FANCL: variants seen among roughly 807,000 people sequenced by gnomAD.
FANCL encodes E3 ubiquitin-protein ligase FANCL.
FANCL carries 69 observed loss-of-function variants against 59.4 expected under a neutral mutation model. The observed-to-expected ratio is 1.16, with a 90% confidence interval of 0.96 to 1.42. FANCL has a LOEUF of 1.42. Among genes scored for constraint, FANCL ranks in the 40% most tolerant of loss-of-function variants. FANCL has a pLI of 0.00. For missense variants in FANCL, 519 were observed against 447.2 expected, an observed-to-expected ratio of 1.16 and a Z score of -1.45; for synonymous variants, 180 against 147.1, an observed-to-expected ratio of 1.22 and a Z score of -1.62.
chr2:58,162,712 T>A (rs551217634), intron 11 of FANCL, among the ~76,000 whole-genome samples, 154 bp downstream of exon 11: 1 of 152,024 alleles, frequency 6.6e-6, no homozygotes, highest in South Asian at 2.1e-4. Context: ...TAACAACCAA[T>A]CAAAGGTAAA....
chr2:58,184,233 A>G (rs889503055), intron 7 of FANCL, among the ~76,000 whole-genome samples: 2 of 152,066 alleles, frequency 1.3e-5, no homozygotes, highest in Non-Finnish European at 2.9e-5. Flanking sequence ...TACAATAACA[A>G]TTTACTCTTT....
intron 7 of FANCL, among the ~76,000 whole-genome samples, chr2:58,183,959 C>T (rs1409663590): frequency 2.0e-5 from 3 of 151,892 alleles, no homozygotes; most frequent in African/African-American, 7.2e-5. Flanking sequence ...TAACATTGCA[C>T]CTATAATTGT....
chr2:58,205,749 A>G (rs1404457), intron 5 of FANCL, among the ~76,000 whole-genome samples: 2 of 152,072 alleles, frequency 1.3e-5, no homozygotes, highest in Non-Finnish European at 2.9e-5. Context: ...CAAGGACTCC[A>G]GGCAGAAACA....
At chr2:58,197,291 T>C (rs1370014979) in intron 7 of FANCL, among the ~76,000 whole-genome samples, 1 of 152,048 alleles carries the variant, frequency 6.6e-6, no homozygotes, top group African/African-American at 2.4e-5. Context: ...ATTTCTTATA[T>C]ATTTACTTTA....
In FANCL at chr2:58,210,634, A is replaced by G. The variant is rs377232955; in HGVS notation, c.375-6408T>C. Among the ~76,000 whole-genome samples, 70 of 152,300 alleles carry G rather than the reference A, an allele frequency of 4.6e-4. 1 individual carries two copies. The highest frequency in any genetic ancestry group is 1.6e-3 in the African/African-American group (67 of 41,552). On this transcript the variant is annotated intron_variant, in intron 5 of 13. Coordinates refer to ENST00000233741, the MANE Select transcript of FANCL (RefSeq NM_018062.4). ...CCAAAGTCTCATCTAAGACAAGGCA[A>G]GTCTCTTCCACCGATGAGCCTAATA... is the stretch of plus-strand genomic sequence containing the variant.
In FANCL at chr2:58,159,587, T is replaced by C. The variant is rs752602996; in HGVS notation, c.*178A>G. The C allele has an allele frequency of 5.6e-6, 9 of 1,613,892 alleles. No individual in the cohort carries two copies. In the South Asian group the frequency reaches 9.9e-5, roughly 18 times the overall value. On this transcript the variant is annotated 3_prime_UTR_variant, in exon 14 of 14. Coordinates refer to ENST00000233741, the MANE Select transcript of FANCL (RefSeq NM_018062.4). ...AGTTCAACTGGACTTTGGCCTACAA[T>C]TTCCCAGTTTACTCTTAGTGAAGAG...
chr2:58,240,772 G>C (rs1694452431), intron 1 of FANCL, among the ~76,000 whole-genome samples: 1 of 152,108 alleles, frequency 6.6e-6, no homozygotes, highest in Admixed American at 6.5e-5. Context: ...GCCAAAATAA[G>C]GTTTTCTTCC....
intron 7 of FANCL, among the ~76,000 whole-genome samples, chr2:58,175,629 G>T (rs566009679): frequency 6.6e-6 from 1 of 152,044 alleles, no homozygotes. Flanking sequence ...TTGATGGGAC[G>T]TATCTCAAAA....
intron 12 of FANCL, among the ~76,000 whole-genome samples, chr2:58,160,399 C>T (rs1684969731): frequency 6.6e-6 from 1 of 151,986 alleles, no homozygotes; most frequent in Non-Finnish European, 1.5e-5. Context: ...AGGCCTAAAC[C>T]ACTGGTTTAT....
At chr2:58,170,628 A>T (rs1686486160) in intron 7 of FANCL, among the ~76,000 whole-genome samples, 1 of 152,072 alleles carries the variant, frequency 6.6e-6, no homozygotes, top group South Asian at 2.1e-4. Flanking sequence ...GATCCATCTC[A>T]CGTGCAAAGA....
At chr2:58,175,111 A>G (rs953097001) in intron 7 of FANCL, among the ~76,000 whole-genome samples, 3 of 149,422 alleles carry the variant, frequency 2.0e-5, no homozygotes, top group Non-Finnish European at 3.0e-5. Flanking sequence ...GAATAGACCA[A>G]TAACAGGCTC....
intron 1 of FANCL, among the ~76,000 whole-genome samples, chr2:58,232,836 G>A (rs1342593166): frequency 6.6e-6 from 1 of 151,804 alleles, no homozygotes; most frequent in African/African-American, 2.4e-5. Context: ...ATAATACACA[G>A]GAAACTTGAG....
intron 6 of FANCL, among the ~76,000 whole-genome samples, chr2:58,199,166 T>G (rs1056943754): frequency 1.1e-4 from 16 of 152,124 alleles, no homozygotes; most frequent in African/African-American, 3.6e-4. Context: ...CCTATGGAGG[T>G]GCAAGTTTGG....
intron 6 of FANCL, among the ~76,000 whole-genome samples, chr2:58,201,270 A>G (rs546135116): frequency 1.3e-5 from 2 of 151,736 alleles, no homozygotes; most frequent in East Asian, 3.8e-4. Flanking sequence ...CAAAAGCTCC[A>G]TATCATATAG....
Position 58,230,299 on chromosome 2 carries a change from T to C in FANCL, c.156-425A>G, listed in dbSNP as rs912988031. 8.5e-5 allele frequency among the ~76,000 whole-genome samples: 13 copies of C among 152,178 alleles called. 1 individual carries two copies. The East Asian group carries it at 2.5e-3, about 29-fold the overall frequency. On this transcript the variant is annotated intron_variant, in intron 2 of 13. Coordinates refer to ENST00000233741, the MANE Select transcript of FANCL (RefSeq NM_018062.4). ...CGATTAATATAACTAAAAGGATACA[T>C]TTTATTTTTATTTTTTATTTTTTAG...
At chr2:58,173,435 C>T (rs954614011) in intron 7 of FANCL, among the ~76,000 whole-genome samples, 1 of 152,174 alleles carries the variant, frequency 6.6e-6, no homozygotes, top group Non-Finnish European at 1.5e-5. Flanking sequence ...AACAGCTGAT[C>T]TCTCAGCAGA....
intron 5 of FANCL, chr2:58,213,742 A>G (rs1259585718): frequency 6.6e-6 from 1 of 152,070 alleles, no homozygotes; most frequent in Non-Finnish European, 1.5e-5. Context: ...GAGAGGGAAA[A>G]AAAGTCATTC....
rs1363125981 is a variant in FANCL, at chr2:58,160,289, C to CTT, written c.1021-112_1021-111dup. The CTT allele has an allele frequency of 4.3e-6, 5 of 1,152,920 alleles. No individual in the cohort carries two copies. In the East Asian group the frequency reaches 9.6e-5, roughly 22 times the overall value. The allele number at this position is 1,152,920 out of a possible 1,614,324, so 71.4% of individuals were successfully genotyped here. A position where few individuals can be genotyped will look rare whatever the true frequency, so the allele number is the denominator to read the frequency against. ...TGCATTATGTTTTTATTCCAGAAGA[C>CTT]TTAGCTTAATTTTGTTTTGCAAGAG... On this transcript the variant is annotated intron_variant, in intron 12 of 13. Transcript: ENST00000233741.
intron 1 of FANCL, among the ~76,000 whole-genome samples, chr2:58,235,066 G>A (rs555167245): frequency 1.3e-5 from 2 of 152,108 alleles, no homozygotes; most frequent in South Asian, 2.1e-4. Context: ...AAACAAATAA[G>A]AGCATAATAT....
Sources: allele counts gnomAD v4.1 joint callset (sites outside exome capture counted in the v4.1 genomes callset), GRCh38; gene constraint gnomAD v4.1.1; transcripts MANE v1.5; gene names NCBI Gene and HGNC (gene_info 2026-07-23, HGNC 2026-07-21).